The following MGAM variants were observed in gnomAD, a reference collection of about 807,000 sequenced individuals.
MGAM encodes the protein alpha-1,4-glucosidase.
A neutral mutation model predicts 358.8 loss-of-function variants in MGAM; 253 were observed. The observed-to-expected ratio is 0.71, with a 90% CI of 0.64 to 0.78. The LOEUF (loss-of-function observed/expected upper bound fraction) is 0.78. Among genes scored for constraint, MGAM ranks in the 30% least tolerant of loss-of-function variants. The pLI is 0.00. For missense variants in MGAM, 3,080 were observed against 3,432.6 expected, an observed-to-expected ratio of 0.90 and a Z score of 2.57; for synonymous variants, 1,105 against 1,227.1, an observed-to-expected ratio of 0.90 and a Z score of 2.08.
At chr7:142,075,657 A>G (rs1813675519) in intron 45 of MGAM, among the ~76,000 whole-genome samples, 1 of 146,564 alleles carries the variant, frequency 6.8e-6, no homozygotes, top group Non-Finnish European at 1.5e-5. Context: ...AGGAAGACAT[A>G]CAAGTGGCTA....
At chr7:142,035,307 C>T (rs2129007090) in intron 16 of MGAM, among the ~76,000 whole-genome samples, 1 of 152,188 alleles carries the variant, frequency 6.6e-6, no homozygotes, top group African/African-American at 2.4e-5. Context: ...GGAAGGAAAG[C>T]ATAAATATAG....
rs372193855 is a variant in MGAM, at chr7:142,052,869, C to T, written c.3044C>T (p.Ala1015Val). ...VSDVQYNSHGATADISLKSSV... is the reference protein window; with the variant it reads ...VSDVQYNSHGVTADISLKSSV... ...GATGTTCAGTATAATTCCCATGGGG[C>T]CACAGCTGACATCTCCTTAAAGTCT... is the stretch of plus-strand genomic sequence containing the variant. The change falls in exon 26 of 71, where the codon GCC (alanine) becomes GTC (valine). Residue 1015 changes from alanine to valine, a missense_variant. Coordinates refer to ENST00000475668, the MANE Select transcript of MGAM (RefSeq NM_001365693.1). 34 of 1,613,752 alleles carry T rather than the reference C, an allele frequency of 2.1e-5. No homozygotes were observed. Among genetic ancestry groups the T allele is most frequent in the African/African-American group, 4.0e-5 (3 of 74,898 alleles).
At chr7:142,055,510 G>A in intron 27 of MGAM, 48 bp from the exon 28 acceptor site, 1 of 1,611,472 alleles carries the variant, frequency 6.2e-7, no homozygotes, top group Non-Finnish European at 8.5e-7. Flanking sequence ...GCTGGAAACA[G>A]AGATAAAAGC....
chr7:141,998,633 C>A (rs1180783034), intron 1 of MGAM, among the ~76,000 whole-genome samples: 2 of 152,158 alleles, frequency 1.3e-5, no homozygotes, highest in African/African-American at 4.8e-5. Flanking sequence ...ATATGTGCCA[C>A]ATTTTGTTTA....
chr7:142,079,777 G>A (rs1215726332), intron 49 of MGAM, among the ~76,000 whole-genome samples: 2 of 146,216 alleles, frequency 1.4e-5, no homozygotes, highest in African/African-American at 2.4e-5. Flanking sequence ...TCAGGACATT[G>A]TCACATTGCC....
chr7:142,065,941 G>T, intron 40 of MGAM, 110 bp downstream of exon 40: 7 of 906,776 alleles, frequency 7.7e-6, no homozygotes, highest in East Asian at 5.6e-5. Context: ...TTAAAAAAAG[G>T]TGTTTTTTTT....
rs775355533 is a variant in MGAM, at chr7:142,082,301, T to C, written c.6171+91T>C. 9 of 1,433,674 alleles carry C rather than the reference T, an allele frequency of 6.3e-6. 2 individuals are homozygous for C. The highest frequency in any genetic ancestry group is 8.6e-6 in the Non-Finnish European group (9 of 1,046,160). 88.8% of individuals were successfully genotyped at this position (1,433,674 alleles called of 1,614,324 possible). ...CTTCATCTTCCCAAACTCCACTTGGTCGTCACATTCTGCTTTTAGGCGAGT... is the reference window on the plus strand; with the variant it reads ...CTTCATCTTCCCAAACTCCACTTGGCCGTCACATTCTGCTTTTAGGCGAGT... On this transcript the variant is annotated intron_variant, in intron 51 of 70. Coordinates refer to ENST00000475668, the MANE Select transcript of MGAM (RefSeq NM_001365693.1).
intron 26 of MGAM, 143 bp downstream of exon 26, chr7:142,053,127 T>G: frequency 2.0e-6 from 2 of 992,556 alleles, no homozygotes; most frequent in Non-Finnish European, 2.9e-6. Flanking sequence ...GAGAAATCAT[T>G]GAGGGAACAA....
chr7:142,040,947 G>A lies in MGAM; in HGVS notation c.2498+101G>A, dbSNP rs1808468872. 8 of 1,408,884 alleles carry A rather than the reference G, an allele frequency of 5.7e-6. No individual in the cohort carries two copies. The East Asian group carries it at 2.0e-4, about 35-fold the overall frequency. 87.3% of individuals were successfully genotyped at this position (1,408,884 alleles called of 1,614,324 possible). ...TAACAGCCAGGTGGTCAGCCTCTTTGGTTTGGCCACGACTGTTGCAGTTTT... is the reference window on the plus strand; with the variant it reads ...TAACAGCCAGGTGGTCAGCCTCTTTAGTTTGGCCACGACTGTTGCAGTTTT... On this transcript the variant is annotated intron_variant, in intron 21 of 70. Transcript: ENST00000475668.
chr7:142,045,673 A>G (rs1484159115), intron 21 of MGAM, among the ~76,000 whole-genome samples: 1 of 107,374 alleles, frequency 9.3e-6, no homozygotes, highest in Non-Finnish European at 1.7e-5. Context: ...ATATGAATAT[A>G]TAATATATAT....
At position 142,043,207 on chromosome 7, in the gene MGAM, T is replaced by A. The variant is rs1455707983; in HGVS notation, c.2498+2361T>A. On this transcript the variant is annotated intron_variant, in intron 21 of 70. Transcript: ENST00000475668. ...ATATCTAAATATAATATATATATTA[T>A]ATATACATATAATATCTAAATATAA... 4.0e-4 allele frequency among the ~76,000 whole-genome samples: 5 copies of A among 12,480 alleles called. 1 individual carries two copies. The highest frequency in any genetic ancestry group is 2.5e-3 in the African/African-American group (5 of 2,030). 8.2% of individuals were successfully genotyped at this position (12,480 alleles called of 152,430 possible). A position where few individuals can be genotyped will look rare whatever the true frequency, so the allele number is the denominator to read the frequency against.
At position 142,096,420 on chromosome 7, in the gene MGAM, G is replaced by T. The variant is rs1304901956; in HGVS notation, c.7692+5G>T. ...GTCAGCCCTGTCCTGGAGCGTGTGA[G>T]TATGGAGGCCTCCGATGAGGGGAGG... On this transcript the variant is annotated splice_donor_5th_base_variant and intron_variant, in intron 65 of 70. Coordinates refer to ENST00000475668, the MANE Select transcript of MGAM (RefSeq NM_001365693.1). The T allele has an allele frequency of 6.2e-7, 1 of 1,613,758 alleles. No individual in the cohort carries two copies.
chr7:142,065,952 T>G (rs1158458160), intron 40 of MGAM, 121 bp downstream of exon 40: 1 of 692,760 alleles, frequency 1.4e-6, no homozygotes, highest in Non-Finnish European at 2.2e-6. Context: ...TGTTTTTTTT[T>G]GTTTTGTTTT....
intron 57 of MGAM, among the ~76,000 whole-genome samples, chr7:142,089,072 C>T (rs752298050): frequency 7.6e-5 from 11 of 145,044 alleles, no homozygotes; most frequent in Non-Finnish European, 1.1e-4. Flanking sequence ...CCTGTCCTCT[C>T]GTCACCTCTC....
At chr7:142,048,257 A>T (rs1810587796) in intron 22 of MGAM, among the ~76,000 whole-genome samples, 1 of 150,958 alleles carries the variant, frequency 6.6e-6, no homozygotes, top group African/African-American at 2.4e-5. Context: ...GGCTCAAGTG[A>T]TTCTTCTGTC....
chr7:142,032,803 G>T, intron 13 of MGAM, 22 bp from the exon 14 acceptor site: 1 of 1,527,132 alleles, frequency 6.5e-7, no homozygotes, highest in Admixed American at 1.7e-5. Context: ...TTTCTTAATA[G>T]TTTTTGCTCT....
Position 142,100,888 on chromosome 7 carries a change from T to C in MGAM, c.7961T>C (p.Ile2654Thr), listed in dbSNP as rs748138224. ...GWLFWDDGQS[I>T]DTYGKGLYYL... ...CTCTTCTGGGATGATGGGCAAAGCA[T>C]TGGTGAGTAGAGGTTGCCTGAGATT... The change falls in exon 68 of 71, where the codon ATT becomes ACT. Residue 2654 changes from isoleucine (I) to threonine (T), a missense_variant and splice_region_variant. This residue lies in a region of MGAM where 194 missense variants were observed against 172.8 expected (regional missense o/e 1.12). Transcript: ENST00000475668. The C allele has an allele frequency of 1.3e-5, 21 of 1,612,566 alleles. No homozygotes were observed. Among genetic ancestry groups the C allele is most frequent in the Non-Finnish European group, 1.7e-5 (20 of 1,179,396 alleles).
chr7:142,106,069 G>A lies in MGAM; in HGVS notation c.*178G>A. 1 of 532,886 alleles carries A rather than the reference G, an allele frequency of 1.9e-6. No individual in the cohort carries two copies. Among genetic ancestry groups the A allele is most frequent in the South Asian group, 2.1e-5 (1 of 48,344 alleles). The allele number at this position is 532,886 out of a possible 1,614,324, so 33.0% of individuals were successfully genotyped here. A position where few individuals can be genotyped will look rare whatever the true frequency, so the allele number is the denominator to read the frequency against. On this transcript the variant is annotated 3_prime_UTR_variant, in exon 71 of 71. Coordinates refer to ENST00000475668, the MANE Select transcript of MGAM (RefSeq NM_001365693.1). ...TAAAGGTTAAACCTTAGCCCTGTGG[G>A]ATAGGCAGTTAGGGAGGTGTGGAAA...
At chr7:142,012,463 A>C (rs1265715065) in intron 3 of MGAM, among the ~76,000 whole-genome samples, 1 of 152,132 alleles carries the variant, frequency 6.6e-6, no homozygotes, top group Non-Finnish European at 1.5e-5. Context: ...CCCACTGTTA[A>C]TACTAACATA....
Sources: gnomAD v4.1 joint callset for allele counts (sites outside exome capture counted in the v4.1 genomes callset) on GRCh38, gnomAD v4.1.1 for gene constraint, gnomAD v4.1.1 regional missense constraint, MANE v1.5 for transcripts, NCBI Gene and HGNC (gene_info 2026-07-23, HGNC 2026-07-21) for gene names.